CDH12: variants seen among roughly 807,000 people sequenced by gnomAD.
CDH12 encodes cadherin 12.
CDH12 carries 41 observed loss-of-function variants against 74.1 expected under a neutral mutation model. The ratio of observed to expected loss-of-function variants is 0.55; its 90% CI spans 0.43 to 0.72. The LOEUF (loss-of-function observed/expected upper bound fraction) is 0.72. Ranked by LOEUF, CDH12 falls within the 30% of genes least tolerant of loss-of-function variation. CDH12 has a pLI of 0.00. For synonymous variants in CDH12, 399 were observed against 355.0 expected (o/e 1.12, Z -1.39); for missense variants, 945 against 977.2 (o/e 0.97, Z 0.44).
At chr5:22,295,785 T>G (rs188940007) in intron 3 of CDH12, among the ~76,000 whole-genome samples, 1 of 152,204 alleles carries the variant, frequency 6.6e-6, no homozygotes, top group Non-Finnish European at 1.5e-5. Context: ...TATATGAAAT[T>G]TACTAAAGTT....
intron 1 of CDH12, among the ~76,000 whole-genome samples, chr5:22,633,906 C>T (rs778053898): frequency 1.2e-4 from 18 of 151,892 alleles, no homozygotes; most frequent in Non-Finnish European, 2.4e-4. Flanking sequence ...TACAGAGCTA[C>T]GACTAATACG....
At chr5:22,590,985 G>A (rs913034361) in intron 1 of CDH12, among the ~76,000 whole-genome samples, 1 of 151,994 alleles carries the variant, frequency 6.6e-6, no homozygotes, top group Non-Finnish European at 1.5e-5. Context: ...TAAATTCTTT[G>A]GGGAATATTC....
chr5:21,855,013 C>T (rs1468780145), intron 6 of CDH12, among the ~76,000 whole-genome samples: 2 of 151,686 alleles, frequency 1.3e-5, no homozygotes, highest in Non-Finnish European at 2.9e-5. Flanking sequence ...AAAGTTGTGT[C>T]CATTTCCAGG....
intron 6 of CDH12, among the ~76,000 whole-genome samples, chr5:21,963,801 G>T (rs1346632663): frequency 1.3e-5 from 2 of 152,038 alleles, no homozygotes; most frequent in Admixed American, 1.3e-4. Flanking sequence ...AAATGTATTT[G>T]TTTGGTCCAT....
chr5:22,162,360 C>T (rs929882706), intron 4 of CDH12, among the ~76,000 whole-genome samples: 6 of 152,130 alleles, frequency 3.9e-5, no homozygotes, highest in African/African-American at 1.4e-4. Flanking sequence ...TCATTATACC[C>T]TCCCACACAC....
intron 6 of CDH12, among the ~76,000 whole-genome samples, chr5:21,881,863 C>G (rs1227818248): frequency 6.6e-6 from 1 of 151,758 alleles, no homozygotes; most frequent in South Asian, 2.1e-4. Flanking sequence ...TTCTTTTGTT[C>G]TTATTAATAT....
intron 1 of CDH12, among the ~76,000 whole-genome samples, chr5:22,578,100 C>A (rs1351108970): frequency 2.0e-5 from 3 of 152,152 alleles, no homozygotes; most frequent in Non-Finnish European, 4.4e-5. Context: ...ATCACTCTTA[C>A]TATTCATTAT....
At chr5:22,363,825 A>G (rs534153514) in intron 3 of CDH12, among the ~76,000 whole-genome samples, 1 of 152,364 alleles carries the variant, frequency 6.6e-6, no homozygotes, top group South Asian at 2.1e-4. Flanking sequence ...CTTCAGTTAA[A>G]GCACATAAAA....
At chr5:21,822,802 G>A (rs913517770) in intron 8 of CDH12, among the ~76,000 whole-genome samples, 6 of 152,002 alleles carry the variant, frequency 3.9e-5, no homozygotes, top group African/African-American at 9.7e-5. Context: ...AATAAGAATT[G>A]CCATGCACAC....
chr5:22,847,220 G>C (rs1401672791), intron 1 of CDH12, among the ~76,000 whole-genome samples: 1 of 152,118 alleles, frequency 6.6e-6, no homozygotes, highest in Non-Finnish European at 1.5e-5. Context: ...TCTTACCTAA[G>C]TAAACATATA....
chr5:22,027,436 T>A (rs917532486), intron 5 of CDH12, among the ~76,000 whole-genome samples: 11 of 152,180 alleles, frequency 7.2e-5, no homozygotes, highest in African/African-American at 2.7e-4. Flanking sequence ...TGTAAATCCA[T>A]CTGGTCCTGG....
chr5:22,362,669 T>C (rs1740862465), intron 3 of CDH12, among the ~76,000 whole-genome samples: 1 of 151,782 alleles, frequency 6.6e-6, no homozygotes, highest in Admixed American at 6.6e-5. Flanking sequence ...TAGCAAAGAC[T>C]TGGAACCAAC....
At position 22,173,268 on chromosome 5, in the gene CDH12, T is replaced by A. The variant is rs1194246237; in HGVS notation, c.-187+39230A>T. 3.4e-5 allele frequency among the ~76,000 whole-genome samples: 5 copies of A among 146,986 alleles called. No individual in the cohort carries two copies. In the South Asian group the frequency reaches 8.3e-4, roughly 25 times the overall value. ...AATTATATAATTTATATAATTTAAA[T>A]TTTATAATTATATAATTTATGTAAT... On this transcript the variant is annotated intron_variant, in intron 4 of 14. Coordinates refer to ENST00000382254, the MANE Select transcript of CDH12 (RefSeq NM_004061.5).
At chr5:22,771,905 G>A (rs559078418) in intron 1 of CDH12, among the ~76,000 whole-genome samples, 9 of 151,856 alleles carry the variant, frequency 5.9e-5, no homozygotes, top group Admixed American at 4.6e-4. Flanking sequence ...ACCTCTCTTT[G>A]TGTATATGAT....
chr5:22,270,909 C>T (rs1000066130), intron 3 of CDH12, among the ~76,000 whole-genome samples: 3 of 151,962 alleles, frequency 2.0e-5, no homozygotes, highest in African/African-American at 2.4e-5. Flanking sequence ...CTCCTGACCT[C>T]GTGATCTACC....
At chr5:22,594,518 T>C (rs145892566) in intron 1 of CDH12, among the ~76,000 whole-genome samples, 68 of 152,224 alleles carry the variant, frequency 4.5e-4, no homozygotes, top group African/African-American at 1.6e-3. Context: ...GAAGTAGGGA[T>C]CATATATTGC....
intron 1 of CDH12, among the ~76,000 whole-genome samples, chr5:22,619,474 T>A (rs1295565736): frequency 6.6e-6 from 1 of 152,084 alleles, no homozygotes; most frequent in African/African-American, 2.4e-5. Flanking sequence ...GAATTCTGAA[T>A]ACATATTTCT....
At chr5:22,328,634 GC>G (rs1739222383) in intron 3 of CDH12, among the ~76,000 whole-genome samples, 1 of 152,210 alleles carries the variant, frequency 6.6e-6, no homozygotes, top group Admixed American at 6.5e-5. Context: ...AGCCATTTGT[GC>G]CATAAAACAA....
chr5:21,888,467 A>G (rs1248928460), intron 6 of CDH12, among the ~76,000 whole-genome samples: 1 of 152,138 alleles, frequency 6.6e-6, no homozygotes, highest in Non-Finnish European at 1.5e-5. Context: ...TCAGAGAAGT[A>G]ATACTATTAG....
Sources: gnomAD v4.1 joint callset for allele counts (sites outside exome capture counted in the v4.1 genomes callset) on GRCh38, gnomAD v4.1.1 for gene constraint, MANE v1.5 for transcripts, NCBI Gene and HGNC (gene_info 2026-07-23, HGNC 2026-07-21) for gene names.